The following EHF variants were observed in gnomAD, a reference collection of about 807,000 sequenced individuals.
The protein encoded by EHF is ETS homologous factor, also known as ESE3 transcription factor.
In EHF, 14 loss-of-function variants were observed where a neutral mutation model predicts 45.1. The observed-to-expected ratio is 0.31, with a 90% CI of 0.21 to 0.49. EHF has a LOEUF of 0.49. Ranked by LOEUF, EHF falls within the 20% of genes least tolerant of loss-of-function variation. The pLI is 0.99. For missense variants in EHF, 282 were observed against 371.4 expected, an observed-to-expected ratio of 0.76 and a Z score of 1.98; for synonymous variants, 136 against 131.8, an observed-to-expected ratio of 1.03 and a Z score of -0.22.
chr11:34,651,763 C>G lies in EHF; in HGVS notation c.502C>G (p.Arg168Gly). Residue 168 changes from arginine to glycine, a missense_variant, in exon 6 of 9, where the codon CGG becomes GGG. This residue lies in a region of EHF where 213 missense variants were observed against 247.3 expected (regional missense o/e 0.86). Transcript: ENST00000257831. ...TTTGTTGGACAGCAAAACTTTCTGC[C>G]GGGCTCAGATCTCCATGACAACCAC... ...VDLLDSKTFC[R>G]AQISMTTTSH... 6.2e-7 allele frequency: 1 copy of G among 1,613,894 alleles called. No individual in the cohort carries two copies. Among genetic ancestry groups the G allele is most frequent in the Non-Finnish European group, 8.5e-7 (1 of 1,179,880 alleles).
chr11:34,643,237 G>T (rs1416378892), intron 2 of EHF, among the ~76,000 whole-genome samples: 5 of 152,144 alleles, frequency 3.3e-5, no homozygotes, highest in African/African-American at 1.2e-4. Context: ...CTTTAATCTA[G>T]AACACGTCTA....
intron 3 of EHF, among the ~76,000 whole-genome samples, chr11:34,647,381 G>T (rs1854668897): frequency 6.6e-6 from 1 of 152,214 alleles, no homozygotes; most frequent in Non-Finnish European, 1.5e-5. Flanking sequence ...CACCATTCCA[G>T]ATGTTGTCTT....
intron 1 of EHF, among the ~76,000 whole-genome samples, chr11:34,630,004 G>T (rs996717596): frequency 1.3e-5 from 2 of 152,182 alleles, no homozygotes; most frequent in Admixed American, 6.5e-5. Context: ...GGTTTGAGTG[G>T]CTGTGAACTG....
At chr11:34,644,136 T>G (rs115867502) in intron 2 of EHF, among the ~76,000 whole-genome samples, 4,206 of 152,308 alleles carry the variant, frequency 0.028, 186 homozygotes, top group African/African-American at 0.095. Flanking sequence ...CAAGATACAC[T>G]AGCAGGGACT....
At chr11:34,637,861 G>GA (rs1404837769) in intron 1 of EHF, among the ~76,000 whole-genome samples, 11 of 149,440 alleles carry the variant, frequency 7.4e-5, no homozygotes, top group East Asian at 1.9e-4. Flanking sequence ...AAATATATAT[G>GA]AAAAAAATCT....
chr11:34,651,693 G>A (rs778272247), intron 5 of EHF, 44 bp from the exon 6 acceptor site: 3 of 1,610,700 alleles, frequency 1.9e-6, no homozygotes, highest in Admixed American at 3.3e-5. Context: ...GTGAGGTGGG[G>A]GGAGGGGGTG....
At chr11:34,622,611 A>G (rs1001010801) in intron 1 of EHF, among the ~76,000 whole-genome samples, 1 of 152,246 alleles carries the variant, frequency 6.6e-6, no homozygotes, top group Admixed American at 6.5e-5. Context: ...GATGACTTTA[A>G]TAGCTGCATT....
intron 2 of EHF, among the ~76,000 whole-genome samples, chr11:34,644,825 A>G (rs1006846023): frequency 2.0e-5 from 3 of 152,248 alleles, no homozygotes; most frequent in Non-Finnish European, 2.9e-5. Context: ...CTAGGAATGC[A>G]GAAACTCAGG....
intron 6 of EHF, among the ~76,000 whole-genome samples, chr11:34,654,600 C>T (rs771217000): frequency 9.2e-5 from 14 of 152,048 alleles, no homozygotes; most frequent in African/African-American, 2.7e-4. Flanking sequence ...CTTGGGTAAA[C>T]GGCTGACAAC....
At chr11:34,632,748 C>T in intron 1 of EHF, 1 of 1,400,772 alleles carries the variant, frequency 7.1e-7, no homozygotes, top group Non-Finnish European at 9.7e-7. Context: ...GCTCAGATGA[C>T]TTTGGAAGGA....
intron 3 of EHF, 74 bp from the exon 4 acceptor site, chr11:34,648,945 T>C (rs961777886): frequency 2.1e-6 from 3 of 1,419,684 alleles, no homozygotes; most frequent in African/African-American, 2.8e-5. Context: ...AAGATGCCAG[T>C]TCTGTCCTTA....
chr11:34,658,829 C>T lies in EHF; in HGVS notation c.804-3C>T. The T allele has an allele frequency of 2.5e-6, 4 of 1,610,644 alleles. No individual in the cohort carries two copies. Among genetic ancestry groups the T allele is most frequent in the Non-Finnish European group, 3.4e-6 (4 of 1,178,764 alleles). On this transcript the variant is annotated splice_region_variant and splice_polypyrimidine_tract_variant and intron_variant, in intron 8 of 8. Coordinates refer to ENST00000257831, the MANE Select transcript of EHF (RefSeq NM_012153.6). The stretch of plus-strand genomic sequence containing the variant: ...TCACCTTATGCAATCTCCTTTGTTA[C>T]AGATATTACTACAAAAGAGAAATTC...
At position 34,633,971 on chromosome 11, in the gene EHF, A is replaced by G. The variant is rs75351986; in HGVS notation, c.-3-8657A>G. Among the ~76,000 whole-genome samples, 643 of 152,312 alleles carry G rather than the reference A, an allele frequency of 4.2e-3. 6 individuals are homozygous for G. Among genetic ancestry groups the G allele is most frequent in the African/African-American group, 0.015 (604 of 41,564 alleles). On this transcript the variant is annotated intron_variant, in intron 1 of 8. Coordinates refer to ENST00000257831, the MANE Select transcript of EHF (RefSeq NM_012153.6). Reference sequence around the variant, plus strand: ...GCCTCCCAGTGCTGCATTATTGGTCATGAAAACCCTTGAAACCCCAGCAAT... The same window carrying G: ...GCCTCCCAGTGCTGCATTATTGGTCGTGAAAACCCTTGAAACCCCAGCAAT...
chr11:34,643,655 A>G (rs1854240434), intron 2 of EHF, among the ~76,000 whole-genome samples: 1 of 152,204 alleles, frequency 6.6e-6, no homozygotes, highest in Non-Finnish European at 1.5e-5. Flanking sequence ...CTAGTCAAAC[A>G]TGGTTGAAAG....
intron 1 of EHF, among the ~76,000 whole-genome samples, chr11:34,635,514 C>T (rs7127373): frequency 0.43 from 61,346 of 141,334 alleles, 15,321 homozygotes; most frequent in Non-Finnish European, 0.57. Context: ...TACAATGGTG[C>T]GATCTCAGCT....
chr11:34,648,878 A>G (rs1854854275), intron 3 of EHF, 141 bp from the exon 4 acceptor site: 1 of 748,466 alleles, frequency 1.3e-6, no homozygotes, highest in South Asian at 2.2e-5. Context: ...TGACAGAGAA[A>G]CCACCTCCCA....
intron 7 of EHF, among the ~76,000 whole-genome samples, chr11:34,657,902 G>A (rs575225541): frequency 6.6e-6 from 1 of 152,066 alleles, no homozygotes; most frequent in South Asian, 2.1e-4. Flanking sequence ...AAGGTGGGTG[G>A]GGTGGGGGTG....
At position 34,661,000 on chromosome 11, in the gene EHF, T is replaced by C. The variant is rs286888; in HGVS notation, c.*2069T>C. On this transcript the variant is annotated 3_prime_UTR_variant, in exon 9 of 9. Transcript: ENST00000257831. Reference sequence around the variant, plus strand: ...TTTTATTTCTGCCTGGCTTGGTCACTTCTGTAAAGGTTTAACTTAGTGTTG... The same window carrying C: ...TTTTATTTCTGCCTGGCTTGGTCACCTCTGTAAAGGTTTAACTTAGTGTTG... 0.95 allele frequency: 144,208 copies of C among 152,204 alleles called. 68,789 individuals are homozygous for C. Among genetic ancestry groups the C allele is most frequent in the East Asian group, 1 (5,184 of 5,184 alleles). The allele number at this position is 152,204 out of a possible 1,614,324, so 9.4% of individuals were successfully genotyped here. A position where few individuals can be genotyped will look rare whatever the true frequency, so the allele number is the denominator to read the frequency against.
chr11:34,622,498 C>G (rs957549492), intron 1 of EHF: 1 of 773,150 alleles, frequency 1.3e-6, no homozygotes, highest in African/African-American at 1.8e-5. Context: ...CCACTGGGGT[C>G]AGGGGAAAAA....
Sources: allele counts gnomAD v4.1 joint callset (sites outside exome capture counted in the v4.1 genomes callset), GRCh38; gene constraint gnomAD v4.1.1; regional missense constraint gnomAD v4.1.1; transcripts MANE v1.5; gene names NCBI Gene and HGNC (gene_info 2026-07-23, HGNC 2026-07-21).